NTM: variants seen among roughly 807,000 people sequenced by gnomAD.
The protein encoded by NTM is IgLON family member 2.
Under a neutral mutation model 42.1 loss-of-function variants are expected in NTM, and 13 were observed. That is an observed-to-expected ratio of 0.31 (90% CI 0.20 to 0.49). The LOEUF is 0.49. Ranked by LOEUF, NTM falls within the 20% of genes least tolerant of loss-of-function variation. The pLI, the probability that NTM is intolerant of heterozygous loss-of-function variation, is 0.99. For synonymous variants in NTM, 187 were observed against 179.2 expected (o/e 1.04, Z -0.35); for missense variants, 373 against 452.8 (o/e 0.82, Z 1.60).
chr11:131,458,224 G>T (rs1473963393), intron 1 of NTM, among the ~76,000 whole-genome samples: 1 of 152,202 alleles, frequency 6.6e-6, no homozygotes, highest in African/African-American at 2.4e-5. Flanking sequence ...ATGCAGGAGA[G>T]CAATCAACAG....
At chr11:131,576,800 C>T (rs1024821258) in intron 1 of NTM, among the ~76,000 whole-genome samples, 2 of 152,148 alleles carry the variant, frequency 1.3e-5, no homozygotes, top group Non-Finnish European at 1.5e-5. Context: ...AGTCTGACTA[C>T]CTGGATTGAA....
intron 1 of NTM, among the ~76,000 whole-genome samples, chr11:131,796,721 C>T (rs1406787560): frequency 2.0e-5 from 3 of 152,108 alleles, no homozygotes; most frequent in Non-Finnish European, 2.9e-5. Context: ...TCAGCGCATG[C>T]GTAAGGTGAG....
intron 1 of NTM, among the ~76,000 whole-genome samples, chr11:131,821,383 C>G (rs1188045653): frequency 1.3e-5 from 2 of 152,176 alleles, no homozygotes; most frequent in Non-Finnish European, 2.9e-5. Flanking sequence ...ACTGTGTGAT[C>G]AGTTACCCAG....
intron 2 of NTM, among the ~76,000 whole-genome samples, chr11:131,964,463 C>T (rs1047868369): frequency 4.6e-5 from 7 of 152,108 alleles, no homozygotes; most frequent in African/African-American, 1.7e-4. Flanking sequence ...AAGTGAAACC[C>T]AGCATTATTT....
intron 1 of NTM, among the ~76,000 whole-genome samples, chr11:131,651,139 AT>A (rs1240069309): frequency 6.6e-6 from 1 of 152,214 alleles, no homozygotes; most frequent in Non-Finnish European, 1.5e-5. Context: ...AGTTTGCTTC[AT>A]AAAAACAATT....
intron 3 of NTM, among the ~76,000 whole-genome samples, chr11:132,197,905 A>G (rs1285539661): frequency 1.3e-5 from 2 of 151,934 alleles, no homozygotes; most frequent in Admixed American, 6.6e-5. Flanking sequence ...TCATTGTTGG[A>G]CATTTGGATT....
chr11:132,317,494 G>T lies in NTM; in HGVS notation c.934+2791G>T, dbSNP rs76599057. On this transcript the variant is annotated intron_variant, in intron 7 of 8. Coordinates refer to ENST00000683400, the MANE Select transcript of NTM (RefSeq NM_001352005.2). ...GTCAGCGTTTCTCTTGCCGCACCTT[G>T]TCCTACGCCTTTGGTTTCTGTCTTC... is the stretch of plus-strand genomic sequence containing the variant. 7.3e-3 allele frequency among the ~76,000 whole-genome samples: 1,105 copies of T among 152,074 alleles called. 15 individuals are homozygous for T. Among genetic ancestry groups the T allele is most frequent in the Middle Eastern group, 0.072 (21 of 292 alleles).
chr11:131,420,728 G>T (rs1002591708), intron 1 of NTM, among the ~76,000 whole-genome samples: 2 of 152,182 alleles, frequency 1.3e-5, no homozygotes, highest in African/African-American at 2.4e-5. Context: ...CTGGAAGTGG[G>T]TGGGCTCAGG....
chr11:131,780,577 G>A (rs138010408), intron 1 of NTM, among the ~76,000 whole-genome samples: 513 of 152,230 alleles, frequency 3.4e-3, no homozygotes, highest in African/African-American at 0.011. Flanking sequence ...ACATGAGAGC[G>A]AATGAGTGCT....
chr11:131,873,575 A>ATATATATATATACG (rs2048052633), intron 1 of NTM, among the ~76,000 whole-genome samples: 2 of 54,328 alleles, frequency 3.7e-5, no homozygotes, highest in African/African-American at 1.2e-4. Flanking sequence ...ATATATATAC[A>ATATATATATATACG]TATATATATA....
At chr11:132,043,304 CT>C (rs1241586569) in intron 2 of NTM, among the ~76,000 whole-genome samples, 1 of 152,196 alleles carries the variant, frequency 6.6e-6, no homozygotes, top group Non-Finnish European at 1.5e-5. Flanking sequence ...AATATGTGTT[CT>C]GGTTAATGAG....
intron 3 of NTM, among the ~76,000 whole-genome samples, chr11:132,164,647 G>T (rs113891459): frequency 0.096 from 14,615 of 152,144 alleles, 1,454 homozygotes; most frequent in African/African-American, 0.25. Flanking sequence ...ATCTACTGTT[G>T]CCATGTTGTC....
At chr11:131,401,840 A>ATG (rs1565465628) in intron 1 of NTM, among the ~76,000 whole-genome samples, 9 of 92,970 alleles carry the variant, frequency 9.7e-5, no homozygotes, top group African/African-American at 3.6e-4. Context: ...ATATATATAT[A>ATG]TATATATATA....
intron 1 of NTM, among the ~76,000 whole-genome samples, chr11:131,379,569 T>C (rs1942394762): frequency 6.6e-6 from 1 of 152,198 alleles, no homozygotes; most frequent in African/African-American, 2.4e-5. Flanking sequence ...GAGATAATTA[T>C]AGGACTTACC....
chr11:132,313,435 G>A (rs973136410), intron 6 of NTM, among the ~76,000 whole-genome samples: 1 of 152,144 alleles, frequency 6.6e-6, no homozygotes, highest in Non-Finnish European at 1.5e-5. Context: ...TTAGCTTTGT[G>A]TCCATATTCC....
At chr11:131,472,142 C>A (rs530795319) in intron 1 of NTM, among the ~76,000 whole-genome samples, 1 of 152,286 alleles carries the variant, frequency 6.6e-6, no homozygotes, top group East Asian at 1.9e-4. Context: ...CTTCTTTCTG[C>A]TGGCATCAGC....
At chr11:131,642,121 AG>A (rs2065216917) in intron 1 of NTM, among the ~76,000 whole-genome samples, 1 of 152,168 alleles carries the variant, frequency 6.6e-6, no homozygotes, top group Non-Finnish European at 1.5e-5. Context: ...GGTATTGTTT[AG>A]GAGGGCCATT....
intron 1 of NTM, among the ~76,000 whole-genome samples, chr11:131,704,599 C>T (rs1353350496): frequency 6.6e-6 from 1 of 151,974 alleles, no homozygotes; most frequent in Non-Finnish European, 1.5e-5. Context: ...ATGACATGAC[C>T]AAAGGAACAA....
intron 1 of NTM, among the ~76,000 whole-genome samples, chr11:131,866,618 C>A (rs1479851626): frequency 6.6e-6 from 1 of 152,260 alleles, no homozygotes; most frequent in Non-Finnish European, 1.5e-5. Context: ...CCTGCGCCCT[C>A]CATGGCGCCC....
Sources: allele counts gnomAD v4.1 joint callset (sites outside exome capture counted in the v4.1 genomes callset), GRCh38; gene constraint gnomAD v4.1.1; transcripts MANE v1.5; gene names NCBI Gene and HGNC (gene_info 2026-07-23, HGNC 2026-07-21).